Variants in HECW2 observed in about 807,000 individuals in gnomAD.
HECW2 encodes E3 ubiquitin-protein ligase HECW2.
A neutral mutation model predicts 175.2 loss-of-function variants in HECW2; 61 were observed. The ratio of observed to expected loss-of-function variants is 0.35; its 90% CI spans 0.28 to 0.43. The LOEUF is 0.43. Among genes scored for constraint, HECW2 ranks in the 20% least tolerant of loss-of-function variants. HECW2 has a pLI of 1.00. For missense variants in HECW2, 1,524 were observed against 2,000.5 expected, an observed-to-expected ratio of 0.76 and a Z score of 4.54; for synonymous variants, 671 against 731.0, an observed-to-expected ratio of 0.92 and a Z score of 1.32.
chr2:196,246,893 ATTGT>A (rs1028638345), intron 19 of HECW2, among the ~76,000 whole-genome samples: 4 of 152,200 alleles, frequency 2.6e-5, no homozygotes, highest in Non-Finnish European at 5.9e-5. Flanking sequence ...TGAGACAGCA[ATTGT>A]TAAATGCAAA....
At chr2:196,282,028 C>T (rs1690207998) in intron 14 of HECW2, among the ~76,000 whole-genome samples, 1 of 152,222 alleles carries the variant, frequency 6.6e-6, no homozygotes, top group South Asian at 2.1e-4. Flanking sequence ...ATATGAGGTC[C>T]TATTATTTTC....
intron 2 of HECW2, among the ~76,000 whole-genome samples, chr2:196,368,564 T>C (rs1693818484): frequency 6.6e-6 from 1 of 152,190 alleles, no homozygotes; most frequent in Non-Finnish European, 1.5e-5. Context: ...TTGAATAAAC[T>C]TTCTACCACT....
chr2:196,490,171 C>A (rs1221723665), intron 1 of HECW2, among the ~76,000 whole-genome samples: 1 of 152,160 alleles, frequency 6.6e-6, no homozygotes, highest in Non-Finnish European at 1.5e-5. Context: ...CTGGGCTTGG[C>A]CCTCCTTGGG....
intron 1 of HECW2, among the ~76,000 whole-genome samples, chr2:196,488,095 T>G (rs1181200968): frequency 6.6e-6 from 1 of 152,216 alleles, no homozygotes; most frequent in African/African-American, 2.4e-5. Context: ...AGATAGGGGA[T>G]TATTCAGTAA....
At chr2:196,212,306 G>A (rs754782401) in intron 28 of HECW2, among the ~76,000 whole-genome samples, 23 of 151,990 alleles carry the variant, frequency 1.5e-4, no homozygotes, top group Admixed American at 2.6e-4. Flanking sequence ...CAGGTATTAA[G>A]CCTAGTACCC....
chr2:196,390,288 A>G (rs1049302002), intron 2 of HECW2, among the ~76,000 whole-genome samples: 1 of 152,160 alleles, frequency 6.6e-6, no homozygotes, highest in Non-Finnish European at 1.5e-5. Context: ...CACATTCTCT[A>G]CCAGCTGCTT....
At chr2:196,505,678 G>A (rs1687735904) in intron 1 of HECW2, among the ~76,000 whole-genome samples, 1 of 152,134 alleles carries the variant, frequency 6.6e-6, no homozygotes, top group South Asian at 2.1e-4. Flanking sequence ...AGTAAAACCA[G>A]AATTTTCTTT....
chr2:196,355,192 T>C (rs1335945454), intron 2 of HECW2, among the ~76,000 whole-genome samples: 3 of 152,238 alleles, frequency 2.0e-5, no homozygotes, highest in African/African-American at 7.2e-5. Context: ...TTAGCAGGAA[T>C]GAGGTGTTCT....
In HECW2 at chr2:196,200,226, A is replaced by G. The variant is rs970075906; in HGVS notation, c.*1051T>C. On this transcript the variant is annotated 3_prime_UTR_variant, in exon 29 of 29. Transcript: ENST00000644978. ...CACTGTGAAGGAAGTTTGATTTAGA[A>G]GCTATTTTCTATTATACTTCTCAAG... The G allele has an allele frequency of 1.3e-5, 2 of 152,626 alleles. No homozygotes were observed. Among genetic ancestry groups the G allele is most frequent in the Admixed American group, 6.5e-5 (1 of 15,274 alleles). The allele number at this position is 152,626 out of a possible 1,614,324, so 9.5% of individuals were successfully genotyped here.
chr2:196,458,120 A>T (rs1019724305), intron 1 of HECW2, among the ~76,000 whole-genome samples: 2 of 152,088 alleles, frequency 1.3e-5, no homozygotes, highest in Admixed American at 1.3e-4. Flanking sequence ...AAATTAAAAA[A>T]TTAGCTGGGT....
intron 17 of HECW2, among the ~76,000 whole-genome samples, chr2:196,262,698 T>C (rs1344095679): frequency 1.3e-5 from 2 of 152,128 alleles, no homozygotes; most frequent in East Asian, 3.9e-4. Context: ...CCAGTGTAGT[T>C]AGGATTACAG....
intron 1 of HECW2, among the ~76,000 whole-genome samples, chr2:196,563,503 T>TTGTA (rs1301951263): frequency 6.8e-6 from 1 of 147,310 alleles, no homozygotes. Context: ...GAGGCGGAGG[T>TTGTA]TGTAGTGAGC....
intron 21 of HECW2, among the ~76,000 whole-genome samples, chr2:196,228,558 A>AC (rs148301105): frequency 0.015 from 2,285 of 152,362 alleles, 64 homozygotes; most frequent in African/African-American, 0.051. Flanking sequence ...GATTATGTAA[A>AC]CATGTATAAA....
chr2:196,401,414 CT>C (rs1307521569), intron 2 of HECW2, among the ~76,000 whole-genome samples: 1 of 152,150 alleles, frequency 6.6e-6, no homozygotes, highest in Non-Finnish European at 1.5e-5. Context: ...ATGTGTTTCT[CT>C]GTGTGTATTA....
intron 1 of HECW2, among the ~76,000 whole-genome samples, chr2:196,546,843 A>C (rs1343913116): frequency 6.6e-6 from 1 of 152,100 alleles, no homozygotes; most frequent in Non-Finnish European, 1.5e-5. Context: ...AAAGAGAGAA[A>C]GTAAAAACTG....
intron 7 of HECW2, among the ~76,000 whole-genome samples, chr2:196,321,259 CT>C (rs1337707160): frequency 1.3e-5 from 2 of 152,316 alleles, no homozygotes; most frequent in African/African-American, 4.8e-5. Flanking sequence ...CTTGGACTGT[CT>C]GCCTCCTGAA....
At chr2:196,230,430 C>G (rs1408144217) in intron 21 of HECW2, among the ~76,000 whole-genome samples, 1 of 152,178 alleles carries the variant, frequency 6.6e-6, no homozygotes, top group Non-Finnish European at 1.5e-5. Flanking sequence ...AAAACGTTTT[C>G]AAAGTCATTT....
At chr2:196,214,650 T>A (rs1687405577) in intron 28 of HECW2, among the ~76,000 whole-genome samples, 1 of 152,228 alleles carries the variant, frequency 6.6e-6, no homozygotes, top group African/African-American at 2.4e-5. Flanking sequence ...ATGCACAGCC[T>A]GTTCAGACTG....
chr2:196,281,699 T>C (rs185332737), intron 14 of HECW2, among the ~76,000 whole-genome samples: 1 of 143,410 alleles, frequency 7.0e-6, no homozygotes, highest in East Asian at 2.0e-4. Context: ...TACTTAAGAT[T>C]TGGGGGAAAA....
Sources: allele counts gnomAD v4.1 joint callset (sites outside exome capture counted in the v4.1 genomes callset), GRCh38; gene constraint gnomAD v4.1.1; transcripts MANE v1.5; gene names NCBI Gene and HGNC (gene_info 2026-07-23, HGNC 2026-07-21).